The following RGS6 variants were observed in gnomAD, a reference collection of about 807,000 sequenced individuals.
The protein encoded by RGS6 is regulator of G-protein signaling 6.
Under a neutral mutation model 78.5 loss-of-function variants are expected in RGS6, and 30 were observed. That is an observed-to-expected ratio of 0.38 (90% CI 0.29 to 0.52). The LOEUF (loss-of-function observed/expected upper bound fraction) is 0.52. Ranked by LOEUF, RGS6 falls within the 20% of genes least tolerant of loss-of-function variation. The pLI is 0.85. For missense variants in RGS6, 495 were observed against 609.7 expected, an observed-to-expected ratio of 0.81 and a Z score of 1.98; for synonymous variants, 206 against 206.0, an observed-to-expected ratio of 1.00 and a Z score of 0.00.
intron 7 of RGS6, among the ~76,000 whole-genome samples, chr14:72,468,120 G>T (rs1176145848): frequency 2.0e-5 from 3 of 152,186 alleles, no homozygotes; most frequent in African/African-American, 7.2e-5. Flanking sequence ...TTGAGGCCAG[G>T]TATGGTGGCT....
intron 3 of RGS6, among the ~76,000 whole-genome samples, chr14:72,356,561 T>C (rs975368977): frequency 6.6e-6 from 1 of 152,180 alleles, no homozygotes; most frequent in African/African-American, 2.4e-5. Context: ...TGAAGGTAGA[T>C]GATATGGTTT....
chr14:72,320,433 C>T (rs1227247397), intron 2 of RGS6, among the ~76,000 whole-genome samples: 1 of 151,930 alleles, frequency 6.6e-6, no homozygotes, highest in Non-Finnish European at 1.5e-5. Context: ...TAAAAATTAG[C>T]TGGGCGTGGT....
chr14:71,921,658 T>G, the RGS6 span, among the ~76,000 whole-genome samples: 1 of 152,086 alleles, frequency 6.6e-6, no homozygotes, highest in Non-Finnish European at 1.5e-5. Context: ...TCTGAAAAAG[T>G]CAGACTCAGA....
At chr14:72,301,883 T>C (rs775456874) in intron 2 of RGS6, among the ~76,000 whole-genome samples, 3 of 152,170 alleles carry the variant, frequency 2.0e-5, no homozygotes, top group Non-Finnish European at 4.4e-5. Flanking sequence ...TTAATTACAT[T>C]TGCAGAAGCC....
At chr14:72,568,067 G>T (rs2097715953), downstream of RGS6, among the ~76,000 whole-genome samples, 1 of 152,178 alleles carries the variant, frequency 6.6e-6, no homozygotes, top group African/African-American at 2.4e-5. Flanking sequence ...CTGTCACAGA[G>T]CTCTCTGGTA....
intron 12 of RGS6, among the ~76,000 whole-genome samples, chr14:72,494,904 A>C (rs780493725): frequency 4.6e-5 from 7 of 152,234 alleles, no homozygotes; most frequent in Non-Finnish European, 1.0e-4. Flanking sequence ...GTAAAGAATC[A>C]AGTGAGGAAA....
intron 2 of RGS6, among the ~76,000 whole-genome samples, chr14:72,009,245 G>A (rs1244406665): frequency 6.6e-6 from 1 of 152,138 alleles, no homozygotes; most frequent in Non-Finnish European, 1.5e-5. Context: ...TAGATACTCG[G>A]GAAGCTGAAG....
intron 12 of RGS6, among the ~76,000 whole-genome samples, chr14:72,484,521 T>C (rs2096451334): frequency 6.6e-6 from 1 of 152,108 alleles, no homozygotes. Context: ...TGTCATAGTT[T>C]TGTGTGGTTT....
chr14:72,620,152 C>T, the RGS6 span, among the ~76,000 whole-genome samples: 406 of 152,258 alleles, frequency 2.7e-3, 1 homozygote, highest in South Asian at 0.022. Context: ...GTGCTTTTCC[C>T]ACAACTGGAG....
the RGS6 span, among the ~76,000 whole-genome samples, chr14:71,890,639 A>G: frequency 6.6e-6 from 1 of 152,210 alleles, no homozygotes; most frequent in African/African-American, 2.4e-5. Context: ...GATGTTTTAT[A>G]ACTGTTACAA....
the RGS6 span, among the ~76,000 whole-genome samples, chr14:71,915,568 C>T: frequency 6.8e-4 from 103 of 152,176 alleles, no homozygotes; most frequent in Non-Finnish European, 2.4e-4. Flanking sequence ...GGCCTAGTGT[C>T]CACTCCACTT....
At chr14:71,985,835 A>G (rs1265642989) in intron 2 of RGS6, among the ~76,000 whole-genome samples, 2 of 152,138 alleles carry the variant, frequency 1.3e-5, no homozygotes, top group African/African-American at 4.8e-5. Flanking sequence ...TTTATTCTCT[A>G]TTTGTTTTTC....
intron 2 of RGS6, among the ~76,000 whole-genome samples, chr14:72,316,005 A>G (rs1305547843): frequency 1.3e-5 from 2 of 152,176 alleles, no homozygotes; most frequent in African/African-American, 2.4e-5. Context: ...CTGTCCAACC[A>G]TGCATAGGCA....
intron 2 of RGS6, among the ~76,000 whole-genome samples, chr14:72,181,557 G>C (rs1397357834): frequency 6.6e-6 from 1 of 152,200 alleles, no homozygotes; most frequent in Non-Finnish European, 1.5e-5. Flanking sequence ...GTATACCATG[G>C]AATGTGGCTT....
At chr14:72,210,441 T>C (rs1201133974) in intron 2 of RGS6, among the ~76,000 whole-genome samples, 1 of 152,232 alleles carries the variant, frequency 6.6e-6, no homozygotes, top group African/African-American at 2.4e-5. Context: ...AGGAAGGACA[T>C]GATATCACAT....
At chr14:71,881,935 A>G in the RGS6 span, among the ~76,000 whole-genome samples, 2 of 152,096 alleles carry the variant, frequency 1.3e-5, no homozygotes, top group South Asian at 2.1e-4. Flanking sequence ...GTTTTCTGTT[A>G]TGTGTATATA....
At chr14:72,389,991 A>T (rs2089482254) in intron 3 of RGS6, among the ~76,000 whole-genome samples, 1 of 152,164 alleles carries the variant, frequency 6.6e-6, no homozygotes, top group Admixed American at 6.5e-5. Context: ...TGGTGGGAAC[A>T]GTAAAGTGTA....
chr14:72,143,819 A>G (rs924787424), intron 2 of RGS6, among the ~76,000 whole-genome samples: 2 of 152,204 alleles, frequency 1.3e-5, no homozygotes, highest in Admixed American at 6.5e-5. Flanking sequence ...TCTCTCAGCA[A>G]TGTCTGTAAT....
chr14:72,391,729 T>G (rs1004488341), intron 3 of RGS6, among the ~76,000 whole-genome samples: 20 of 152,200 alleles, frequency 1.3e-4, no homozygotes, highest in Non-Finnish European at 1.8e-4. Context: ...GTTATTTCTC[T>G]TAATACTATC....
Sources: allele counts gnomAD v4.1 joint callset (sites outside exome capture counted in the v4.1 genomes callset), GRCh38; gene constraint gnomAD v4.1.1; transcripts MANE v1.5; gene names NCBI Gene and HGNC (gene_info 2026-07-23, HGNC 2026-07-21).